The following ANK3 variants were observed in gnomAD, a reference collection of about 807,000 sequenced individuals.
ANK3 encodes ankyrin-3.
ANK3 carries 57 observed loss-of-function variants against 370.9 expected under a neutral mutation model. That is an observed-to-expected ratio of 0.15 (90% CI 0.12 to 0.19). ANK3 has a LOEUF of 0.19. Among genes scored for constraint, ANK3 ranks in the 10% least tolerant of loss-of-function variants. The pLI is 1.00. For missense variants in ANK3, 4,439 were observed against 5,302.1 expected (o/e 0.84, Z 5.06); for synonymous variants, 1,929 against 1,946.3 (o/e 0.99, Z 0.23).
chr10:60,341,883 A>C (rs1328573508), intron 1 of ANK3, among the ~76,000 whole-genome samples: 1 of 152,160 alleles, frequency 6.6e-6, no homozygotes, highest in Non-Finnish European at 1.5e-5. Context: ...ATCATATTTT[A>C]GGGTAAATGG....
intron 2 of ANK3, among the ~76,000 whole-genome samples, chr10:60,469,852 G>A (rs998095270): frequency 3.3e-5 from 5 of 151,048 alleles, no homozygotes; most frequent in Non-Finnish European, 5.9e-5. Flanking sequence ...AAATGAATCC[G>A]TGCCAATGAA....
intron 43 of ANK3, among the ~76,000 whole-genome samples, chr10:60,035,938 T>C (rs1296316891): frequency 6.6e-6 from 1 of 152,038 alleles, no homozygotes; most frequent in Non-Finnish European, 1.5e-5. Flanking sequence ...TCTATATGAA[T>C]TCCGGTAAAA....
intron 2 of ANK3, among the ~76,000 whole-genome samples, chr10:60,559,312 G>A (rs1439736451): frequency 6.6e-6 from 1 of 152,026 alleles, no homozygotes; most frequent in African/African-American, 2.4e-5. Flanking sequence ...TCATTCTTAA[G>A]CCTTTGCATC....
Position 60,072,011 on chromosome 10 carries a change from A to T in ANK3, c.8870T>A (p.Val2957Glu), listed in dbSNP as rs779631156. The T allele has an allele frequency of 6.2e-7, 1 of 1,614,126 alleles. No individual in the cohort carries two copies. The highest frequency in any genetic ancestry group is 8.5e-7 in the Non-Finnish European group (1 of 1,180,000). Reference protein sequence around the residue: ...QPSRRSESSAVSHIPVRVADE... With the variant: ...QPSRRSESSAESHIPVRVADE... Reference sequence around the variant, plus strand: ...AGCAACTCTGACGGGAATGTGTGACACTGCTGAGCTCTCGCTCCTCCTGGA... The same window carrying T: ...AGCAACTCTGACGGGAATGTGTGACTCTGCTGAGCTCTCGCTCCTCCTGGA... Residue 2957 changes from valine (V) to glutamate (E), a missense_variant, in exon 37 of 44, where the codon GTG becomes GAG. Physicochemically the swap from Val to Glu is moderately radical, Grantham distance 121. Coordinates refer to ENST00000280772, the MANE Select transcript of ANK3 (RefSeq NM_020987.5).
At chr10:60,622,372 G>T (rs2133330701) in intron 1 of ANK3, among the ~76,000 whole-genome samples, 1 of 152,042 alleles carries the variant, frequency 6.6e-6, no homozygotes, top group African/African-American at 2.4e-5. Flanking sequence ...AGCCTCCTGA[G>T]TATCTGAGAT....
chr10:60,287,720 G>A (rs577022533), intron 1 of ANK3, among the ~76,000 whole-genome samples: 26 of 152,288 alleles, frequency 1.7e-4, no homozygotes, highest in African/African-American at 6.0e-4. Context: ...AGCAAGGAAT[G>A]AAACCCAAGT....
chr10:60,287,836 C>G (rs898328), intron 1 of ANK3, among the ~76,000 whole-genome samples: 112,644 of 151,992 alleles, frequency 0.74, 41,916 homozygotes, highest in South Asian at 0.91. Flanking sequence ...GTAGGGCTCA[C>G]TGAGCAGAGT....
chr10:60,053,489 C>T (rs555966619), intron 42 of ANK3, among the ~76,000 whole-genome samples: 2 of 152,298 alleles, frequency 1.3e-5, no homozygotes, highest in African/African-American at 4.8e-5. Context: ...TTTCAGTTTC[C>T]ACTTTTTCCC....
At chr10:60,677,605 T>A (rs1012553107) in intron 1 of ANK3, among the ~76,000 whole-genome samples, 1 of 152,102 alleles carries the variant, frequency 6.6e-6, no homozygotes, top group African/African-American at 2.4e-5. Context: ...ATTTGAAACA[T>A]CTGAATTCCT....
At chr10:60,218,462 T>C (rs2096983805) in intron 8 of ANK3, among the ~76,000 whole-genome samples, 2 of 152,196 alleles carry the variant, frequency 1.3e-5, no homozygotes, top group African/African-American at 4.8e-5. Flanking sequence ...CAAGAGCTGT[T>C]GTAAGGCAGG....
intron 2 of ANK3, among the ~76,000 whole-genome samples, chr10:60,436,648 G>C (rs76240493): frequency 3.3e-5 from 5 of 151,904 alleles, no homozygotes; most frequent in African/African-American, 1.2e-4. Context: ...TTTTCAATTT[G>C]GTTATTTATC....
chr10:60,324,850 G>A (rs1439934415), intron 1 of ANK3, among the ~76,000 whole-genome samples: 1 of 152,130 alleles, frequency 6.6e-6, no homozygotes, highest in Non-Finnish European at 1.5e-5. Flanking sequence ...CTAGTGCCTA[G>A]AATAGCATAT....
intron 2 of ANK3, among the ~76,000 whole-genome samples, chr10:60,478,744 A>G (rs1367144940): frequency 1.3e-5 from 2 of 152,076 alleles, no homozygotes; most frequent in Non-Finnish European, 2.9e-5. Context: ...ATCATGGAAA[A>G]CCAAATGGAG....
At chr10:60,328,011 A>G (rs987152411) in intron 1 of ANK3, among the ~76,000 whole-genome samples, 2 of 151,844 alleles carry the variant, frequency 1.3e-5, no homozygotes, top group African/African-American at 4.8e-5. Flanking sequence ...AATTAAATAA[A>G]CTCTTTAGTG....
At position 60,521,253 on chromosome 10, in the gene ANK3, T is replaced by A. The variant is rs7075475; in HGVS notation, c.96+93933A>T. ...TATGAGTCAAGTTGCAACAGTATATTATTTTAAGAATGAATTACATCGTAT... is the reference window on the plus strand; with the variant it reads ...TATGAGTCAAGTTGCAACAGTATATAATTTTAAGAATGAATTACATCGTAT... On this transcript the variant is annotated intron_variant, in intron 2 of 43. Coordinates refer to the ANK3 transcript ENST00000373827. Among the ~76,000 whole-genome samples, 724 of 152,254 alleles carry A rather than the reference T, an allele frequency of 4.8e-3. 8 individuals are homozygous for A. Among genetic ancestry groups the A allele is most frequent in the African/African-American group, 0.016 (680 of 41,570 alleles).
At chr10:60,612,853 A>G (rs1057446461) in intron 2 of ANK3, among the ~76,000 whole-genome samples, 1 of 152,160 alleles carries the variant, frequency 6.6e-6, no homozygotes, top group African/African-American at 2.4e-5. Context: ...TTCTGGCATC[A>G]CGGGCACAGA....
chr10:60,096,394 T>A (rs985291961), intron 28 of ANK3, among the ~76,000 whole-genome samples: 4 of 152,168 alleles, frequency 2.6e-5, no homozygotes, highest in Non-Finnish European at 5.9e-5. Flanking sequence ...TCCCATCCTA[T>A]ACATTACAGA....
chr10:60,161,448 C>T (rs1230425117), intron 23 of ANK3, among the ~76,000 whole-genome samples: 2 of 152,138 alleles, frequency 1.3e-5, no homozygotes, highest in Non-Finnish European at 2.9e-5. Flanking sequence ...TTGTTTATTG[C>T]AGCACTATTC....
chr10:60,240,385 A>G (rs1221959878), intron 7 of ANK3, among the ~76,000 whole-genome samples: 1 of 149,106 alleles, frequency 6.7e-6, no homozygotes, highest in Non-Finnish European at 1.5e-5. Flanking sequence ...GCTCACCACA[A>G]CCTCTGCCTC....
Sources: gnomAD v4.1 joint callset for allele counts (sites outside exome capture counted in the v4.1 genomes callset) on GRCh38, gnomAD v4.1.1 for gene constraint, MANE v1.5 for transcripts, NCBI Gene and HGNC (gene_info 2026-07-23, HGNC 2026-07-21) for gene names.